EPHA6: variants seen among roughly 807,000 people sequenced by gnomAD.
EPHA6 encodes ephrin type-A receptor 6.
EPHA6 carries 50 observed loss-of-function variants against 112.0 expected under a neutral mutation model. That is an observed-to-expected ratio of 0.45 (90% CI 0.36 to 0.56). EPHA6 has a LOEUF of 0.56. Ranked by LOEUF, EPHA6 falls within the 20% of genes least tolerant of loss-of-function variation. The pLI, the probability that EPHA6 is intolerant of heterozygous loss-of-function variation, is 0.00. For missense variants in EPHA6, 1,280 were observed against 1,417.4 expected, an observed-to-expected ratio of 0.90 and a Z score of 1.56; for synonymous variants, 529 against 490.7, an observed-to-expected ratio of 1.08 and a Z score of -1.03.
chr3:97,459,036 A>G (rs2090796069), intron 7 of EPHA6, among the ~76,000 whole-genome samples: 1 of 152,224 alleles, frequency 6.6e-6, no homozygotes, highest in Non-Finnish European at 1.5e-5. Context: ...AAAGCTGCCA[A>G]AAGGTAACGT....
intron 3 of EPHA6, among the ~76,000 whole-genome samples, chr3:97,132,873 T>C (rs992590033): frequency 6.6e-6 from 1 of 152,056 alleles, no homozygotes; most frequent in African/African-American, 2.4e-5. Context: ...CTAAGCTTGC[T>C]ACTAAATTCG....
At chr3:97,468,911 A>G (rs1431262881) in intron 7 of EPHA6, among the ~76,000 whole-genome samples, 1 of 151,696 alleles carries the variant, frequency 6.6e-6, no homozygotes, top group Non-Finnish European at 1.5e-5. Flanking sequence ...TGTAGTAGAG[A>G]TGAGTCAAAA....
At chr3:97,265,596 A>AG (rs926497359) in intron 5 of EPHA6, among the ~76,000 whole-genome samples, 21 of 152,086 alleles carry the variant, frequency 1.4e-4, no homozygotes, top group Non-Finnish European at 2.2e-4. Flanking sequence ...CTGCAGGGGC[A>AG]GGGGGGGCCT....
chr3:96,829,969 A>ACACACC (rs2033942942), intron 1 of EPHA6, among the ~76,000 whole-genome samples: 1 of 151,558 alleles, frequency 6.6e-6, no homozygotes. Context: ...ACACACACAC[A>ACACACC]CACACACACA....
intron 3 of EPHA6, among the ~76,000 whole-genome samples, chr3:97,183,950 C>G (rs1315923505): frequency 6.6e-6 from 1 of 152,006 alleles, no homozygotes; most frequent in East Asian, 1.9e-4. Flanking sequence ...GCTGATCTTC[C>G]AAAATAATAA....
chr3:97,279,467 G>A (rs183832969), intron 5 of EPHA6, among the ~76,000 whole-genome samples: 1 of 151,544 alleles, frequency 6.6e-6, no homozygotes, highest in African/African-American at 2.4e-5. Context: ...AGTGCTGTCA[G>A]ACTGCTCAAG....
rs1319937018 is a variant in EPHA6, at chr3:97,755,124, G to A, written c.*6423G>A. Among the ~76,000 whole-genome samples, 1 of 152,186 alleles carries A rather than the reference G, an allele frequency of 6.6e-6. No individual in the cohort carries two copies. Among genetic ancestry groups the A allele is most frequent in the Non-Finnish European group, 1.5e-5 (1 of 68,028 alleles). On this transcript the variant is annotated 3_prime_UTR_variant, in exon 18 of 18. Transcript: ENST00000389672. The stretch of plus-strand genomic sequence containing the variant: ...TTTGATTTGTTTCATTATAGAGAAA[G>A]TCTCAAAGAATTCCATTACCCTTAG...
intron 3 of EPHA6, among the ~76,000 whole-genome samples, chr3:97,189,314 A>T (rs973876162): frequency 6.6e-6 from 1 of 152,080 alleles, no homozygotes; most frequent in Non-Finnish European, 1.5e-5. Flanking sequence ...TTGTTTGAGA[A>T]ATAGCCCTTG....
chr3:97,162,668 T>A (rs1160609904), intron 3 of EPHA6, among the ~76,000 whole-genome samples: 1 of 152,074 alleles, frequency 6.6e-6, no homozygotes, highest in Non-Finnish European at 1.5e-5. Flanking sequence ...AGATTAACAG[T>A]GTAAATTTTT....
At chr3:97,705,589 A>G (rs1480170288) in intron 14 of EPHA6, among the ~76,000 whole-genome samples, 1 of 152,232 alleles carries the variant, frequency 6.6e-6, no homozygotes, top group East Asian at 1.9e-4. Flanking sequence ...CAGGGAATTT[A>G]TAATCTGTAC....
chr3:97,126,345 G>C (rs531865759), intron 3 of EPHA6, among the ~76,000 whole-genome samples: 19 of 152,242 alleles, frequency 1.2e-4, no homozygotes, highest in East Asian at 5.8e-4. Flanking sequence ...CAGGTGTAAG[G>C]CTTCAGCCTG....
At chr3:97,022,250 C>T (rs1262187216) in intron 3 of EPHA6, among the ~76,000 whole-genome samples, 2 of 152,070 alleles carry the variant, frequency 1.3e-5, no homozygotes, top group Non-Finnish European at 2.9e-5. Flanking sequence ...TGAGGAGTTA[C>T]AACATGTCAT....
intron 1 of EPHA6, among the ~76,000 whole-genome samples, chr3:96,847,707 A>G (rs1247766580): frequency 6.6e-6 from 1 of 152,140 alleles, no homozygotes; most frequent in African/African-American, 2.4e-5. Flanking sequence ...ATGAAAAAAT[A>G]TTTATGTATT....
rs1364725566 is a variant in EPHA6 at position 96,987,908 on chromosome 3, T to C, written c.1029T>C (p.Tyr343=). 2 of 1,613,686 alleles carry C rather than the reference T, an allele frequency of 1.2e-6. No individual in the cohort carries two copies. The highest frequency in any genetic ancestry group is 2.7e-5 in the African/African-American group (2 of 74,902). Reference sequence around the variant, plus strand: ...AAGAGCGTGACACTCCTAAACTGTATTGTGGAGCTGATGGAGATTGGCTGG... The same window carrying C: ...AAGAGCGTGACACTCCTAAACTGTACTGTGGAGCTGATGGAGATTGGCTGG... ...SAEERDTPKL[Y]CGADGDWLVP... is the part of the protein sequence containing the mutation. Residue 343 remains tyrosine, a synonymous_variant, in exon 3 of 18, where the codon TAT becomes TAC. Transcript: ENST00000389672.
At chr3:97,173,843 T>TG (rs917121963) in intron 3 of EPHA6, among the ~76,000 whole-genome samples, 1 of 151,830 alleles carries the variant, frequency 6.6e-6, no homozygotes, top group East Asian at 1.9e-4. Context: ...TCATGGAGAA[T>TG]GGGGTATCCA....
chr3:97,461,507 T>G (rs760252565), intron 7 of EPHA6, among the ~76,000 whole-genome samples: 13 of 152,140 alleles, frequency 8.5e-5, no homozygotes, highest in Non-Finnish European at 1.9e-4. Flanking sequence ...AGCTATCATG[T>G]GGTTAGAGCT....
chr3:97,711,058 C>T (rs112366324), intron 14 of EPHA6, among the ~76,000 whole-genome samples: 1,616 of 152,248 alleles, frequency 0.011, 23 homozygotes, highest in African/African-American at 0.037. Flanking sequence ...ATCTTGAATT[C>T]CCACGTGTTG....
intron 5 of EPHA6, among the ~76,000 whole-genome samples, chr3:97,403,858 C>G (rs2087157636): frequency 6.6e-6 from 1 of 152,288 alleles, no homozygotes; most frequent in Non-Finnish European, 1.5e-5. Context: ...TATCCTATTG[C>G]CTTTCACCCA....
chr3:97,682,297 TGA>T (rs2031919196), intron 14 of EPHA6, among the ~76,000 whole-genome samples: 1 of 152,106 alleles, frequency 6.6e-6, no homozygotes, highest in Non-Finnish European at 1.5e-5. Flanking sequence ...AGGTTGAAGA[TGA>T]GTAGAGAACT....
Sources: allele counts gnomAD v4.1 joint callset (sites outside exome capture counted in the v4.1 genomes callset), GRCh38; gene constraint gnomAD v4.1.1; transcripts MANE v1.5; gene names NCBI Gene and HGNC (gene_info 2026-07-23, HGNC 2026-07-21).